Variants in CEP104 observed in about 807,000 individuals in gnomAD.
CEP104 encodes the protein centrosomal protein 104, also known as centrosomal protein of 104 kDa.
Under a neutral mutation model 113.3 loss-of-function variants are expected in CEP104, and 84 were observed. That is an observed-to-expected ratio of 0.74 (90% CI 0.62 to 0.89). CEP104 has a LOEUF of 0.89. Among genes scored for constraint, CEP104 ranks in the 40% least tolerant of loss-of-function variants. The probability of loss-of-function intolerance (pLI) is 0.00; values close to 1 mark genes in which losing one functional copy is unlikely to be tolerated. For synonymous variants in CEP104, 378 were observed against 421.7 expected (o/e 0.90, Z 1.27); for missense variants, 1,053 against 1,156.6 (o/e 0.91, Z 1.30).
chr1:3,856,494 T>C (rs1644732449), intron 1 of CEP104, among the ~76,000 whole-genome samples: 2 of 152,162 alleles, frequency 1.3e-5, no homozygotes, highest in Non-Finnish European at 2.9e-5. Context: ...CAACCAACCA[T>C]CAGACTTTAA....
intron 8 of CEP104, among the ~76,000 whole-genome samples, chr1:3,837,964 G>A (rs1374956798): frequency 6.6e-6 from 1 of 152,232 alleles, no homozygotes; most frequent in African/African-American, 2.4e-5. Context: ...AAAGCTGACT[G>A]ACCAGTTGCT....
In CEP104 at chr1:3,837,511, T is replaced by C; in HGVS notation, c.900A>G (p.Arg300=). The C allele has an allele frequency of 6.2e-7, 1 of 1,614,130 alleles. No individual in the cohort carries two copies. The highest frequency in any genetic ancestry group is 8.5e-7 in the Non-Finnish European group (1 of 1,179,982). Reference sequence around the variant, plus strand: ...GGGGCTGGAGGGGCAAATCAAAAGGTCTTCGCATCTAGAGAACAAAAAGGA... The same window carrying C: ...GGGGCTGGAGGGGCAAATCAAAAGGCCTTCGCATCTAGAGAACAAAAAGGA... ...HSLLDAELMR[R]PFDLPLQPLA... The change falls in exon 9 of 22, where the codon AGA becomes AGG. Residue 300 remains arginine, a synonymous_variant. Transcript: ENST00000378230.
intron 11 of CEP104, among the ~76,000 whole-genome samples, 173 bp from the exon 12 acceptor site, chr1:3,834,208 T>G (rs1287810276): frequency 6.6e-6 from 1 of 152,256 alleles, no homozygotes; most frequent in Non-Finnish European, 1.5e-5. Flanking sequence ...ACCTTGCATA[T>G]AGAGGACATA....
chr1:3,856,274 C>T (rs1304759384), intron 1 of CEP104, among the ~76,000 whole-genome samples: 1 of 152,036 alleles, frequency 6.6e-6, no homozygotes, highest in Admixed American at 6.5e-5. Context: ...TCGGGCTACT[C>T]GGGAGGCTGA....
At chr1:3,822,854 G>A (rs761879297) in intron 20 of CEP104, 122 of 268,410 alleles carry the variant, frequency 4.5e-4, no homozygotes, top group Non-Finnish European at 7.2e-4. Flanking sequence ...ATGTCACTGA[G>A]GGTCTCATTA....
chr1:3,847,120 T>A (rs1051700224), intron 4 of CEP104, among the ~76,000 whole-genome samples: 6 of 152,256 alleles, frequency 3.9e-5, no homozygotes, highest in Non-Finnish European at 7.3e-5. Context: ...CAATTAATTT[T>A]AAAAATATAG....
chr1:3,836,757 C>G, intron 9 of CEP104, 65 bp from the exon 10 acceptor site: 8 of 1,423,368 alleles, frequency 5.6e-6, no homozygotes, highest in Non-Finnish European at 7.9e-6. Context: ...TCCAGTGCAA[C>G]TCTCACTGGC....
intron 4 of CEP104, among the ~76,000 whole-genome samples, chr1:3,846,295 AC>A (rs1644506175): frequency 6.6e-6 from 1 of 151,956 alleles, no homozygotes; most frequent in African/African-American, 2.4e-5. Context: ...TCCATCCTGC[AC>A]CCCCAACCAC....
At position 3,829,309 on chromosome 1, in the gene CEP104, T is replaced by C; in HGVS notation, c.2108A>G (p.Gln703Arg). 1 of 1,600,796 alleles carries C rather than the reference T, an allele frequency of 6.2e-7. No individual in the cohort carries two copies. The highest frequency in any genetic ancestry group is 8.5e-7 in the Non-Finnish European group (1 of 1,177,404). Reference protein sequence around the residue: ...KQKKEEIKALQGQLAALKEIQ... With the variant: ...KQKKEEIKALRGQLAALKEIQ... ...TTCTTTCAGTGCTGCCAGCTGCCCT[T>C]GTAAAGCTTTTATTTCTTCTTTCTT... The change falls in exon 15 of 22, where the codon CAA (glutamine) becomes CGA (arginine). Residue 703 changes from glutamine to arginine, a missense_variant. Transcript: ENST00000378230.
intron 6 of CEP104, among the ~76,000 whole-genome samples, chr1:3,841,228 T>C (rs1644405847): frequency 6.6e-6 from 1 of 152,156 alleles, no homozygotes; most frequent in Non-Finnish European, 1.5e-5. Flanking sequence ...TTGGTGAATC[T>C]GTATTATAAT....
At chr1:3,825,376 C>T (rs765947581) in intron 18 of CEP104, among the ~76,000 whole-genome samples, 21 of 152,148 alleles carry the variant, frequency 1.4e-4, no homozygotes, top group Admixed American at 2.6e-4. Flanking sequence ...TGGCGCACAG[C>T]GGAAGGTGGA....
Position 3,833,918 on chromosome 1 carries a change from T to C in CEP104, c.1603A>G (p.Thr535Ala), listed in dbSNP as rs1299059150. 6.2e-7 allele frequency: 1 copy of C among 1,614,118 alleles called. No homozygotes were observed. Among genetic ancestry groups the C allele is most frequent in the Non-Finnish European group, 8.5e-7 (1 of 1,180,052 alleles). Reference sequence around the variant, plus strand: ...CGGGCAGAAGAATCTCCAGTTCTGGTGAGCAAAACGGGAATGGTCCTCTCC... The same window carrying C: ...CGGGCAGAAGAATCTCCAGTTCTGGCGAGCAAAACGGGAATGGTCCTCTCC... ...CVERTIPVLL[T>A]RTGDSSARLR... is the part of the protein sequence containing the mutation. Residue 535 changes from threonine (T) to alanine (A), a missense_variant, in exon 12 of 22, where the codon ACC (threonine) becomes GCC (alanine). Thr to Ala is a moderately conservative substitution (Grantham distance 58). Transcript: ENST00000378230.
intron 6 of CEP104, chr1:3,843,084 A>G (rs1214705194): frequency 5.3e-6 from 3 of 567,296 alleles, no homozygotes; most frequent in African/African-American, 2.0e-5. Context: ...CATAACGCTC[A>G]GCCTAAAAAA....
intron 16 of CEP104, 69 bp downstream of exon 16, chr1:3,826,639 T>C: frequency 6.4e-7 from 1 of 1,557,740 alleles, no homozygotes; most frequent in Non-Finnish European, 8.9e-7. Context: ...GGAGCTTCCA[T>C]GACATGCATT....
At chr1:3,856,802 C>A in intron 1 of CEP104, 87 bp downstream of exon 1, 1 of 146,264 alleles carries the variant, frequency 6.8e-6, no homozygotes, top group South Asian at 2.0e-4. Flanking sequence ...AGGTGGGGAC[C>A]GCGCCCCCGC....
intron 18 of CEP104, among the ~76,000 whole-genome samples, chr1:3,825,458 CG>C (rs528018419): frequency 1.1e-4 from 17 of 152,240 alleles, no homozygotes; most frequent in East Asian, 3.9e-4. Context: ...CACATGGTTC[CG>C]TTTCTACAAA....
chr1:3,821,610 G>A (rs539416867), intron 20 of CEP104, among the ~76,000 whole-genome samples: 5 of 152,262 alleles, frequency 3.3e-5, no homozygotes, highest in Non-Finnish European at 7.4e-5. Context: ...AGCTGCCACC[G>A]TCACACATAT....
chr1:3,848,154 G>A (rs1434234650), intron 3 of CEP104, among the ~76,000 whole-genome samples: 2 of 152,112 alleles, frequency 1.3e-5, no homozygotes, highest in Non-Finnish European at 2.9e-5. Context: ...CATTCAATAA[G>A]AGGCAGGTGT....
chr1:3,847,928 G>C (rs559068483), intron 3 of CEP104, among the ~76,000 whole-genome samples: 1 of 151,964 alleles, frequency 6.6e-6, no homozygotes, highest in East Asian at 1.9e-4. Context: ...TCCACCTCCC[G>C]GGTTCAAGCA....
Sources: allele counts gnomAD v4.1 joint callset (sites outside exome capture counted in the v4.1 genomes callset), GRCh38; gene constraint gnomAD v4.1.1; transcripts MANE v1.5; gene names NCBI Gene and HGNC (gene_info 2026-07-23, HGNC 2026-07-21).